DLG2: variants seen among roughly 807,000 people sequenced by gnomAD.
The protein encoded by DLG2 is disks large homolog 2.
DLG2 carries 45 observed loss-of-function variants against 132.5 expected under a neutral mutation model. The observed-to-expected ratio is 0.34, with a 90% CI of 0.27 to 0.44. The LOEUF is 0.44. Among genes scored for constraint, DLG2 ranks in the 20% least tolerant of loss-of-function variants. The pLI is 1.00. For missense variants in DLG2, 1,045 were observed against 1,196.9 expected (o/e 0.87, Z 1.87); for synonymous variants, 424 against 419.6 (o/e 1.01, Z -0.13).
rs80091805 is a variant in DLG2, at chr11:83,786,129, A to G, written c.1825+561T>C. 2.5e-3 allele frequency among the ~76,000 whole-genome samples: 377 copies of G among 152,338 alleles called. 15 individuals carry two copies. The East Asian group carries it at 0.067, about 27-fold the overall frequency. ...AAGCAGGGCATGGCTAATCCAATTT[A>G]GGATATCTCATCAAGTTTAAGTTGG... On this transcript the variant is annotated intron_variant, in intron 18 of 27. Transcript: ENST00000376104.
At chr11:84,899,147 T>G (rs570620366) in intron 6 of DLG2, among the ~76,000 whole-genome samples, 1 of 152,174 alleles carries the variant, frequency 6.6e-6, no homozygotes, top group African/African-American at 2.4e-5. Context: ...GATATTTCAC[T>G]GAACAGAGAA....
chr11:83,553,483 C>CATGTGTGT (rs2096441211), intron 19 of DLG2, among the ~76,000 whole-genome samples: 1 of 143,772 alleles, frequency 7.0e-6, no homozygotes, highest in African/African-American at 2.7e-5. Context: ...AAGTAAGCAC[C>CATGTGTGT]GTGTGTGTGT....
At chr11:85,391,460 C>T (rs1405159288) in intron 3 of DLG2, among the ~76,000 whole-genome samples, 1 of 151,970 alleles carries the variant, frequency 6.6e-6, no homozygotes, top group Non-Finnish European at 1.5e-5. Flanking sequence ...TCACTAATAG[C>T]AAAACCAGGA....
At chr11:83,542,444 C>A (rs2096103113) in intron 19 of DLG2, among the ~76,000 whole-genome samples, 1 of 152,092 alleles carries the variant, frequency 6.6e-6, no homozygotes, top group East Asian at 1.9e-4. Context: ...TGAATACATG[C>A]TTAAAATGCA....
intron 7 of DLG2, among the ~76,000 whole-genome samples, chr11:84,371,345 C>G (rs1021268433): frequency 6.6e-6 from 1 of 151,694 alleles, no homozygotes; most frequent in African/African-American, 2.4e-5. Flanking sequence ...CTCAACCACC[C>G]AGGCTCAGGG....
intron 6 of DLG2, among the ~76,000 whole-genome samples, chr11:84,636,571 G>A (rs1016087990): frequency 6.6e-6 from 1 of 151,988 alleles, no homozygotes; most frequent in Non-Finnish European, 1.5e-5. Flanking sequence ...TAAAAATGAC[G>A]GTTTTTATTA....
At chr11:84,869,965 A>G (rs191199527) in intron 6 of DLG2, among the ~76,000 whole-genome samples, 17 of 152,306 alleles carry the variant, frequency 1.1e-4, no homozygotes, top group African/African-American at 4.1e-4. Flanking sequence ...GTGGAGATGT[A>G]CATGTGTCAG....
intron 16 of DLG2, among the ~76,000 whole-genome samples, chr11:83,874,162 GAT>G (rs1454973230): frequency 1.3e-5 from 1 of 77,470 alleles, no homozygotes; most frequent in South Asian, 4.7e-4. Context: ...AAGAAAGAAA[GAT>G]AGAAAGAGAA....
At chr11:85,308,145 C>A (rs2080074962) in intron 3 of DLG2, among the ~76,000 whole-genome samples, 2 of 68,564 alleles carry the variant, frequency 2.9e-5, no homozygotes, top group South Asian at 3.9e-4. Flanking sequence ...CAGAGCGAGA[C>A]TCTGTCTCAA....
intron 6 of DLG2, among the ~76,000 whole-genome samples, chr11:84,950,378 T>A (rs1364917211): frequency 6.6e-6 from 1 of 152,074 alleles, no homozygotes; most frequent in Non-Finnish European, 1.5e-5. Context: ...ACTAGAAAAG[T>A]AAAATAAAGA....
chr11:85,390,490 T>C (rs2086706173), intron 3 of DLG2, among the ~76,000 whole-genome samples: 2 of 152,010 alleles, frequency 1.3e-5, no homozygotes, highest in South Asian at 2.1e-4. Context: ...AAGTATACCC[T>C]GGAACAAACA....
chr11:84,991,274 C>T (rs2057070232), intron 6 of DLG2, among the ~76,000 whole-genome samples: 1 of 152,122 alleles, frequency 6.6e-6, no homozygotes, highest in Admixed American at 6.5e-5. Flanking sequence ...ATTTGGGGGA[C>T]TGAGGCGGGA....
intron 4 of DLG2, among the ~76,000 whole-genome samples, chr11:85,272,747 A>C (rs1283914298): frequency 6.6e-6 from 1 of 152,180 alleles, no homozygotes; most frequent in Non-Finnish European, 1.5e-5. Flanking sequence ...GAATTGGAAA[A>C]AGCTACTCTA....
chr11:84,347,468 T>A (rs1445439055), intron 7 of DLG2, among the ~76,000 whole-genome samples: 1 of 152,208 alleles, frequency 6.6e-6, no homozygotes, highest in Non-Finnish European at 1.5e-5. Flanking sequence ...ACCCTCTCCC[T>A]TGACTATCTC....
At chr11:84,519,568 A>G (rs2099287692) in intron 7 of DLG2, among the ~76,000 whole-genome samples, 1 of 152,172 alleles carries the variant, frequency 6.6e-6, no homozygotes, top group Non-Finnish European at 1.5e-5. Context: ...ACCCTCCTGA[A>G]GCAAATGTAC....
At chr11:84,996,967 A>G (rs1340728878) in intron 6 of DLG2, among the ~76,000 whole-genome samples, 1 of 152,168 alleles carries the variant, frequency 6.6e-6, no homozygotes, top group Non-Finnish European at 1.5e-5. Flanking sequence ...GCAAGAAGTT[A>G]AGAAATGCCT....
intron 21 of DLG2, among the ~76,000 whole-genome samples, chr11:83,513,919 T>C (rs2095173143): frequency 6.6e-6 from 1 of 152,208 alleles, no homozygotes; most frequent in Non-Finnish European, 1.5e-5. Context: ...CCACGCTGTT[T>C]TGGTTACTGT....
chr11:85,025,611 T>C (rs938197774), intron 6 of DLG2, among the ~76,000 whole-genome samples: 10 of 152,220 alleles, frequency 6.6e-5, no homozygotes, highest in African/African-American at 2.4e-4. Flanking sequence ...ATACAGTTAA[T>C]GAAATTTTAA....
rs138911492 is a variant in DLG2 at position 84,204,227 on chromosome 11, G to T, written c.574-40716C>A. ...CCACCTCGGCCTCCCAAAGTGCTGG[G>T]ATTACAGGCGTAAGCCACCGTGCCT... On this transcript the variant is annotated intron_variant, in intron 8 of 27. Transcript: ENST00000376104. Among the ~76,000 whole-genome samples, 47 of 152,286 alleles carry T rather than the reference G, an allele frequency of 3.1e-4. No individual in the cohort carries two copies. In the East Asian group the frequency reaches 8.9e-3, roughly 29 times the overall value.
Sources: allele counts gnomAD v4.1 joint callset (sites outside exome capture counted in the v4.1 genomes callset), GRCh38; gene constraint gnomAD v4.1.1; transcripts MANE v1.5; gene names NCBI Gene and HGNC (gene_info 2026-07-23, HGNC 2026-07-21).